Variants in CES5A observed in about 807,000 individuals in gnomAD.
The protein encoded by CES5A is carboxylesterase 5.
CES5A carries 67 observed loss-of-function variants against 62.9 expected under a neutral mutation model. The ratio of observed to expected loss-of-function variants is 1.07; its 90% confidence interval spans 0.88 to 1.31. The LOEUF is 1.31. CES5A is among the 50% of genes most tolerant of loss of function. CES5A has a pLI of 0.00. For synonymous variants in CES5A, 296 were observed against 280.8 expected, an observed-to-expected ratio of 1.05 and a Z score of -0.54; for missense variants, 748 against 708.5, an observed-to-expected ratio of 1.06 and a Z score of -0.63.
intron 1 of CES5A, among the ~76,000 whole-genome samples, chr16:55,905,741 C>A (rs1360100217): frequency 6.6e-6 from 1 of 152,126 alleles, no homozygotes; most frequent in African/African-American, 2.4e-5. Context: ...GTCCTGGTTC[C>A]TCTGAGCTCT....
chr16:55,886,883 A>C (rs549400726), intron 1 of CES5A, among the ~76,000 whole-genome samples: 23 of 152,014 alleles, frequency 1.5e-4, no homozygotes, highest in Middle Eastern at 3.4e-3. Flanking sequence ...GGATGTAATC[A>C]CATCAACAAA....
chr16:55,872,062 A>G (rs1391588535), intron 2 of CES5A, among the ~76,000 whole-genome samples: 1 of 152,200 alleles, frequency 6.6e-6, no homozygotes, highest in Non-Finnish European at 1.5e-5. Flanking sequence ...CACCACCATA[A>G]TATAGACACA....
chr16:55,875,708 G>A (rs571813363), upstream of CES5A, among the ~76,000 whole-genome samples: 9 of 152,298 alleles, frequency 5.9e-5, no homozygotes, highest in South Asian at 6.2e-4. Flanking sequence ...CAAGCAGCCC[G>A]GCTGGCCCTG....
chr16:55,938,138 A>T (rs1291629240), intron 2 of CES5A, among the ~76,000 whole-genome samples: 6 of 152,162 alleles, frequency 3.9e-5, no homozygotes, highest in African/African-American at 1.4e-4. Context: ...GAAAGAAGGG[A>T]TGAACCATCT....
At chr16:55,898,052 G>A (rs1310453476) in intron 1 of CES5A, among the ~76,000 whole-genome samples, 2 of 152,224 alleles carry the variant, frequency 1.3e-5, no homozygotes, top group Admixed American at 1.3e-4. Flanking sequence ...AGTCAGAATA[G>A]TGCTTGCCCT....
intron 1 of CES5A, among the ~76,000 whole-genome samples, chr16:55,896,273 T>A (rs569135691): frequency 6.6e-6 from 1 of 152,198 alleles, no homozygotes; most frequent in Non-Finnish European, 1.5e-5. Context: ...CCCTCATGAT[T>A]CAGTTACTTC....
chr16:55,867,122 C>T (rs756564270), intron 4 of CES5A, among the ~76,000 whole-genome samples: 3 of 152,172 alleles, frequency 2.0e-5, no homozygotes, highest in Non-Finnish European at 4.4e-5. Context: ...CCCCCAACCC[C>T]GTGCTCCCTC....
rs13338753 is a variant in CES5A at position 55,869,636 on chromosome 16, G to A, written c.526C>T (p.Arg176Trp). The A allele has an allele frequency of 3.1e-3, 5,008 of 1,613,774 alleles. 108 individuals carry two copies. In the African/African-American group the frequency reaches 0.048, roughly 15 times the overall value. ...GTGAAGAAACCAAATATTCCTAGCC[G>A]GTACTGGACGACCACAACCAGCACG... ...EDVLVVVVQY[R>W]LGIFGFFTTW... is the part of the protein sequence containing the mutation. Residue 176 changes from arginine to tryptophan, a missense_variant, in exon 4 of 13, where the codon CGG (arginine) becomes TGG (tryptophan). Transcript: ENST00000290567.
chr16:55,847,662 A>T (rs2033043868), intron 11 of CES5A, among the ~76,000 whole-genome samples: 1 of 152,154 alleles, frequency 6.6e-6, no homozygotes. Context: ...CTTTTTATTA[A>T]AATTGATCTC....
At chr16:55,922,621 G>T (rs2034217796) in intron 1 of CES5A, among the ~76,000 whole-genome samples, 2 of 151,786 alleles carry the variant, frequency 1.3e-5, no homozygotes, top group Non-Finnish European at 3.0e-5. Context: ...CCCCACTCTT[G>T]GTAATGAGAC....
chr16:55,917,738 A>G (rs2034161862), intron 1 of CES5A, among the ~76,000 whole-genome samples: 1 of 152,126 alleles, frequency 6.6e-6, no homozygotes, highest in Non-Finnish European at 1.5e-5. Context: ...GTGAGTCATT[A>G]AATCCAGCCC....
At chr16:55,859,168 A>T (rs371140849) in intron 8 of CES5A, among the ~76,000 whole-genome samples, 1 of 152,256 alleles carries the variant, frequency 6.6e-6, no homozygotes, top group Non-Finnish European at 1.5e-5. Context: ...CCAAGGCTGG[A>T]TGTGAAAAAT....
chr16:55,929,672 C>T (rs564016904), upstream of CES5A, among the ~76,000 whole-genome samples: 1 of 152,142 alleles, frequency 6.6e-6, no homozygotes, highest in African/African-American at 2.4e-5. Flanking sequence ...AACAAACTAG[C>T]AAAAATTTAC....
chr16:55,917,478 C>T (rs2034158843), intron 1 of CES5A, among the ~76,000 whole-genome samples: 1 of 152,128 alleles, frequency 6.6e-6, no homozygotes, highest in Admixed American at 6.5e-5. Context: ...CCAAACTCAC[C>T]CATGTGGTTG....
At chr16:55,928,765 T>C (rs1227097915), upstream of CES5A, among the ~76,000 whole-genome samples, 3 of 152,220 alleles carry the variant, frequency 2.0e-5, no homozygotes, top group Non-Finnish European at 4.4e-5. Flanking sequence ...TTGAGATGTC[T>C]ATGGTGTTGG....
intron 1 of CES5A, among the ~76,000 whole-genome samples, chr16:55,902,226 A>T (rs1000870952): frequency 1.3e-5 from 2 of 152,158 alleles, no homozygotes; most frequent in African/African-American, 2.4e-5. Context: ...TCTAATGATG[A>T]CTGCATTTGA....
chr16:55,855,842 C>CA (rs1318305091), intron 9 of CES5A, among the ~76,000 whole-genome samples: 2 of 152,110 alleles, frequency 1.3e-5, no homozygotes, highest in African/African-American at 4.8e-5. Context: ...CTGTGTCCCC[C>CA]ACCAAATCTC....
At chr16:55,888,118 G>T (rs991349074) in intron 1 of CES5A, among the ~76,000 whole-genome samples, 1 of 152,146 alleles carries the variant, frequency 6.6e-6, no homozygotes, top group Admixed American at 6.6e-5. Flanking sequence ...CTTGCTTTCA[G>T]TCCTGCCAGC....
intron 11 of CES5A, among the ~76,000 whole-genome samples, chr16:55,848,044 G>A (rs757269866): frequency 1.6e-4 from 25 of 152,040 alleles, no homozygotes; most frequent in Non-Finnish European, 3.2e-4. Flanking sequence ...CCAAAGTGAT[G>A]GCATTATAGG....
Sources: gnomAD v4.1 joint callset for allele counts (sites outside exome capture counted in the v4.1 genomes callset) on GRCh38, gnomAD v4.1.1 for gene constraint, MANE v1.5 for transcripts, NCBI Gene and HGNC (gene_info 2026-07-23, HGNC 2026-07-21) for gene names.